SLC1A1: variants seen among roughly 807,000 people sequenced by gnomAD.
SLC1A1 encodes the protein excitatory amino acid transporter 3.
SLC1A1 carries 43 observed loss-of-function variants against 53.3 expected under a neutral mutation model. The ratio of observed to expected loss-of-function variants is 0.81; its 90% CI spans 0.63 to 1.04. SLC1A1 has a LOEUF of 1.04. Ranked by LOEUF, SLC1A1 falls within the 50% of genes least tolerant of loss-of-function variation. SLC1A1 has a pLI of 0.00. For missense variants in SLC1A1, 748 were observed against 664.9 expected (o/e 1.12, Z -1.37); for synonymous variants, 307 against 243.2 (o/e 1.26, Z -2.44).
chr9:4,511,661 G>A (rs1424427416), intron 1 of SLC1A1, among the ~76,000 whole-genome samples: 2 of 151,418 alleles, frequency 1.3e-5, no homozygotes, highest in East Asian at 3.9e-4. Flanking sequence ...CCTAAGAGCA[G>A]GAATAAGGCA....
intron 3 of SLC1A1, among the ~76,000 whole-genome samples, chr9:4,564,064 G>C (rs542407024): frequency 1.3e-5 from 2 of 151,488 alleles, no homozygotes; most frequent in South Asian, 4.2e-4. Context: ...AAGCAATTCT[G>C]GGATGCAGCC....
At chr9:4,577,451 A>G (rs1332674740) in intron 10 of SLC1A1, among the ~76,000 whole-genome samples, 4 of 152,160 alleles carry the variant, frequency 2.6e-5, no homozygotes, top group Non-Finnish European at 5.9e-5. Context: ...ATGCTTTGTC[A>G]TATTATGGAC....
intron 1 of SLC1A1, among the ~76,000 whole-genome samples, chr9:4,526,323 G>C (rs1816257837): frequency 1.3e-5 from 2 of 152,108 alleles, no homozygotes; most frequent in Admixed American, 1.3e-4. Flanking sequence ...TGAATGAACT[G>C]GATCTACTTG....
chr9:4,567,687 G>T lies in SLC1A1; in HGVS notation c.502G>T (p.Glu168Ter). The T allele has an allele frequency of 6.2e-7, 1 of 1,612,388 alleles. No individual in the cohort carries two copies. The highest frequency in any genetic ancestry group is 8.5e-7 in the Non-Finnish European group (1 of 1,178,582). Reference protein sequence around the residue: ...CFQQYKTKREEVKPPSDPEMN... With the variant: ...CFQQYKTKRE ...CATGCAGTACAAAACTAAGCGTGAA[G>T]AAGTGAAGCCTCCCAGCGATCCAGA... The change falls in exon 6 of 12, where the codon GAA becomes TAA. Residue 168 changes from glutamate (E) to a stop codon, truncating the protein, a stop_gained. Transcript: ENST00000262352. LOFTEE classifies it high-confidence loss of function.
chr9:4,521,368 C>A (rs1816065302), intron 1 of SLC1A1, among the ~76,000 whole-genome samples: 1 of 152,162 alleles, frequency 6.6e-6, no homozygotes, highest in Non-Finnish European at 1.5e-5. Context: ...GAGAAGGAAG[C>A]ACTTTGTTTG....
chr9:4,525,177 G>C (rs1215636872), intron 1 of SLC1A1, among the ~76,000 whole-genome samples: 1 of 152,106 alleles, frequency 6.6e-6, no homozygotes, highest in Non-Finnish European at 1.5e-5. Flanking sequence ...CCTGCCCTTG[G>C]AAACAAGAGC....
At chr9:4,519,797 A>AT (rs962912856) in intron 1 of SLC1A1, among the ~76,000 whole-genome samples, 3 of 152,146 alleles carry the variant, frequency 2.0e-5, no homozygotes, top group African/African-American at 2.4e-5. Context: ...GACTCATGGA[A>AT]ATTTCTGCTG....
chr9:4,572,123 G>C lies in SLC1A1; in HGVS notation c.583-81G>C, dbSNP rs1158055847. On this transcript the variant is annotated intron_variant, in intron 6 of 11. Coordinates refer to ENST00000262352, the MANE Select transcript of SLC1A1 (RefSeq NM_004170.6). ...CACCAGTTTATTATGTTTGGTCATT[G>C]TATCTTCTCATTTCTGGACCTGTGC... 11 of 1,175,766 alleles carry C rather than the reference G, an allele frequency of 9.4e-6. No homozygotes were observed. In the Admixed American group the frequency reaches 1.9e-4, roughly 20 times the overall value. 72.8% of individuals were successfully genotyped at this position (1,175,766 alleles called of 1,614,324 possible). A position where few individuals can be genotyped will look rare whatever the true frequency, so the allele number is the denominator to read the frequency against.
rs529504822 is a variant in SLC1A1 at position 4,528,667 on chromosome 9, G to C, written c.92-15900G>C. Among the ~76,000 whole-genome samples the C allele has an allele frequency of 1.6e-4, 25 of 152,304 alleles. No individual in the cohort carries two copies. In the South Asian group the frequency reaches 4.0e-3, roughly 24 times the overall value. On this transcript the variant is annotated intron_variant, in intron 1 of 11. Transcript: ENST00000262352. ...AAGGTGGGAAGAAGTAAAATTGGTT[G>C]AGGATCTAAGGTATAAAGAGATGAT... is the stretch of plus-strand genomic sequence containing the variant.
At chr9:4,564,563 C>T (rs1322170858) in intron 4 of SLC1A1, 105 bp downstream of exon 4, 1 of 767,644 alleles carries the variant, frequency 1.3e-6, no homozygotes, top group African/African-American at 1.7e-5. Context: ...TTTTTAATAA[C>T]TTTTGAATTA....
intron 1 of SLC1A1, among the ~76,000 whole-genome samples, chr9:4,520,776 T>A (rs1352481597): frequency 6.6e-6 from 1 of 152,238 alleles, no homozygotes; most frequent in African/African-American, 2.4e-5. Context: ...AGAGGCTATA[T>A]ATCTAGGCAT....
intron 1 of SLC1A1, among the ~76,000 whole-genome samples, chr9:4,496,553 T>C (rs1335800771): frequency 6.6e-6 from 1 of 152,042 alleles, no homozygotes; most frequent in African/African-American, 2.4e-5. Flanking sequence ...TTTTTTGTTT[T>C]TTAAGGAGAC....
chr9:4,576,886 C>T, intron 10 of SLC1A1, 123 bp downstream of exon 10: 1 of 939,994 alleles, frequency 1.1e-6, no homozygotes, highest in South Asian at 1.4e-5. Context: ...CTATAAAGTC[C>T]CTTCCCAAGA....
intron 1 of SLC1A1, among the ~76,000 whole-genome samples, chr9:4,507,631 C>T (rs1297158874): frequency 6.6e-6 from 1 of 152,132 alleles, no homozygotes; most frequent in African/African-American, 2.4e-5. Flanking sequence ...TGAGGAAGAG[C>T]ATTCAAGATG....
At chr9:4,519,208 A>G (rs941613688) in intron 1 of SLC1A1, among the ~76,000 whole-genome samples, 1 of 152,262 alleles carries the variant, frequency 6.6e-6, no homozygotes, top group Non-Finnish European at 1.5e-5. Context: ...ATTTTATACC[A>G]TAACTATTTG....
At chr9:4,573,420 T>C (rs1820247401) in intron 7 of SLC1A1, among the ~76,000 whole-genome samples, 1 of 152,200 alleles carries the variant, frequency 6.6e-6, no homozygotes, top group African/African-American at 2.4e-5. Context: ...TGTAAAATAC[T>C]TTCCCTCATG....
intron 6 of SLC1A1, among the ~76,000 whole-genome samples, chr9:4,568,046 G>C (rs988174911): frequency 6.6e-6 from 1 of 152,108 alleles, no homozygotes; most frequent in African/African-American, 2.4e-5. Flanking sequence ...TCTCATGCTG[G>C]AAACAAGTGT....
chr9:4,529,296 C>T (rs140349302), intron 1 of SLC1A1, among the ~76,000 whole-genome samples: 7 of 152,264 alleles, frequency 4.6e-5, no homozygotes, highest in Admixed American at 2.6e-4. Flanking sequence ...TGTGCAGTTA[C>T]GTACATCTAC....
At chr9:4,562,106 T>A (rs1819012285) in intron 3 of SLC1A1, among the ~76,000 whole-genome samples, 1 of 147,738 alleles carries the variant, frequency 6.8e-6, no homozygotes, top group Non-Finnish European at 1.5e-5. Flanking sequence ...AGTCTCACTC[T>A]TGTCACCCAG....
Sources: gnomAD v4.1 joint callset for allele counts (sites outside exome capture counted in the v4.1 genomes callset) on GRCh38, gnomAD v4.1.1 for gene constraint, MANE v1.5 for transcripts, NCBI Gene and HGNC (gene_info 2026-07-23, HGNC 2026-07-21) for gene names.